EVI5: variants seen among roughly 807,000 people sequenced by gnomAD.
The protein encoded by EVI5 is ecotropic viral integration site 5.
In EVI5, 73 loss-of-function variants were observed where a neutral mutation model predicts 112.0. The observed-to-expected ratio is 0.65, with a 90% confidence interval of 0.54 to 0.79. The LOEUF (loss-of-function observed/expected upper bound fraction) is 0.79. Among genes scored for constraint, EVI5 ranks in the 30% least tolerant of loss-of-function variants. The pLI, the probability that EVI5 is intolerant of heterozygous loss-of-function variation, is 0.00. For synonymous variants in EVI5, 305 were observed against 319.9 expected (o/e 0.95, Z 0.50); for missense variants, 900 against 968.8 (o/e 0.93, Z 0.94).
chr1:92,738,451 T>C, intron 1 of EVI5, among the ~76,000 whole-genome samples: 1 of 152,346 alleles, frequency 6.6e-6, no homozygotes, highest in South Asian at 2.1e-4. Flanking sequence ...CAATAATTAA[T>C]GCTTTACATT....
intron 1 of EVI5, among the ~76,000 whole-genome samples, chr1:92,760,592 G>A (rs1280973354): frequency 6.6e-6 from 1 of 151,832 alleles, no homozygotes; most frequent in Admixed American, 6.6e-5. Flanking sequence ...AAATTAGCTG[G>A]GTGTGGTGGC....
At chr1:92,735,630 G>GTATATAATTATATATAA (rs1400982740) in intron 2 of EVI5, among the ~76,000 whole-genome samples, 1 of 67,042 alleles carries the variant, frequency 1.5e-5, no homozygotes, top group Non-Finnish European at 2.8e-5. Context: ...TATGATATAT[G>GTATATAATTATATATAA]ATATATGTCA....
intron 1 of EVI5, among the ~76,000 whole-genome samples, chr1:92,752,487 C>T (rs527666704): frequency 7.6e-4 from 116 of 152,136 alleles, no homozygotes; most frequent in African/African-American, 2.6e-3. Flanking sequence ...CCTAATGAAA[C>T]GTCTTAATAC....
In EVI5 at chr1:92,766,863, C is replaced by CATA. The variant is rs555825266; in HGVS notation, c.-82+17972_-82+17973insTAT. Among the ~76,000 whole-genome samples, 31 of 152,286 alleles carry CATA rather than the reference C, an allele frequency of 2.0e-4. No individual in the cohort carries two copies. The East Asian group carries it at 5.8e-3, about 28-fold the overall frequency. ...TTGGGAGGCCAAAGCAGGCGGATCACTTGAGGTCAGGAGTTTGAGAACAGC... is the reference window on the plus strand; with the variant it reads ...TTGGGAGGCCAAAGCAGGCGGATCACATATTGAGGTCAGGAGTTTGAGAACAGC... On this transcript the variant is annotated intron_variant, in intron 1 of 19. Transcript: ENST00000684568.
intron 1 of EVI5, among the ~76,000 whole-genome samples, chr1:92,757,907 CAAAAAAAAAAA>C (rs71091299): frequency 4.3e-5 from 3 of 70,292 alleles, no homozygotes; most frequent in Non-Finnish European, 8.3e-5. Context: ...GACTCTGCCT[CAAAAAAAAAAA>C]AAAAAAAAAA....
intron 19 of EVI5, among the ~76,000 whole-genome samples, chr1:92,546,561 T>A (rs931721797): frequency 6.6e-6 from 1 of 152,036 alleles, no homozygotes; most frequent in Non-Finnish European, 1.5e-5. Context: ...CCGGGCATGG[T>A]GGCACACGCA....
chr1:92,712,170 T>C (rs914372004), intron 2 of EVI5, among the ~76,000 whole-genome samples: 1 of 152,070 alleles, frequency 6.6e-6, no homozygotes, highest in African/African-American at 2.4e-5. Context: ...AGGAATCACA[T>C]CCTTTCACAT....
rs147569010 is a variant in EVI5, at chr1:92,704,246, C to G, written c.339+309G>C. On this transcript the variant is annotated intron_variant, in intron 3 of 19. Coordinates refer to ENST00000684568, the MANE Select transcript of EVI5 (RefSeq NM_001350197.2). ...GGAGAACAGCTTAAGCCCAGAAATT[C>G]GAGGTTATAGTGAGCTATGACTGCA... is the stretch of plus-strand genomic sequence containing the variant. 7.0e-4 allele frequency among the ~76,000 whole-genome samples: 107 copies of G among 152,210 alleles called. 1 individual carries two copies. Among genetic ancestry groups the G allele is most frequent in the African/African-American group, 2.5e-3 (105 of 41,542 alleles).
chr1:92,586,713 C>T (rs907199176), intron 18 of EVI5, among the ~76,000 whole-genome samples: 24 of 149,348 alleles, frequency 1.6e-4, no homozygotes, highest in African/African-American at 5.4e-4. Context: ...TTCCTGTCCC[C>T]GTCCTAGAAT....
intron 16 of EVI5, chr1:92,622,264 GCTTC>G (rs1366087951): frequency 1.4e-5 from 6 of 418,728 alleles, no homozygotes; most frequent in Non-Finnish European, 2.9e-5. Flanking sequence ...AGTAGAAGTG[GCTTC>G]CTTTGCAATC....
At position 92,663,443 on chromosome 1, in the gene EVI5, A is replaced by G; in HGVS notation, c.1222T>C (p.Ser408Pro). The change falls in exon 12 of 20, where the codon TCC (serine) becomes CCC (proline). Residue 408 changes from serine to proline, a missense_variant. Transcript: ENST00000684568. ...ACCTGTATCAATCTATCTGCCAAGGAAGCACTTTCCTACAAAAGGAAAAAT... is the reference window on the plus strand; with the variant it reads ...ACCTGTATCAATCTATCTGCCAAGGGAGCACTTTCCTACAAAAGGAAAAAT... ...RIETLEKESA[S>P]LADRLIQGQV... The G allele has an allele frequency of 7.0e-7, 1 of 1,422,942 alleles. No individual in the cohort carries two copies. The highest frequency in any genetic ancestry group is 9.4e-7 in the Non-Finnish European group (1 of 1,065,180). The allele number at this position is 1,422,942 out of a possible 1,614,324, so 88.1% of individuals were successfully genotyped here.
At chr1:92,741,851 G>C (rs1401065798) in intron 1 of EVI5, among the ~76,000 whole-genome samples, 3 of 151,858 alleles carry the variant, frequency 2.0e-5, no homozygotes, top group African/African-American at 7.3e-5. Flanking sequence ...CTAAATAATA[G>C]AACTAAAACT....
At chr1:92,678,093 C>T (rs777230279) in intron 9 of EVI5, among the ~76,000 whole-genome samples, 3 of 152,066 alleles carry the variant, frequency 2.0e-5, no homozygotes, top group Non-Finnish European at 4.4e-5. Flanking sequence ...AAAAACTAAC[C>T]GTTGGGTACT....
intron 1 of EVI5, among the ~76,000 whole-genome samples, chr1:92,770,265 A>T (rs1683182422): frequency 6.6e-6 from 1 of 152,242 alleles, no homozygotes. Context: ...AAAGTAACAC[A>T]GTATAGACAC....
chr1:92,787,886 A>G (rs893992030), upstream of EVI5, among the ~76,000 whole-genome samples: 2 of 152,256 alleles, frequency 1.3e-5, no homozygotes, highest in Non-Finnish European at 2.9e-5. Context: ...GTGAAGATAA[A>G]TGACACAAAG....
chr1:92,702,069 G>A, intron 5 of EVI5, 72 bp downstream of exon 5: 1 of 730,174 alleles, frequency 1.4e-6, no homozygotes, highest in Non-Finnish European at 2.3e-6. Flanking sequence ...ATAAAACAAA[G>A]ATGCTTTTTA....
At chr1:92,592,046 A>G (rs1315230023) in intron 18 of EVI5, among the ~76,000 whole-genome samples, 1 of 152,180 alleles carries the variant, frequency 6.6e-6, no homozygotes, top group Non-Finnish European at 1.5e-5. Context: ...GATTGAGACC[A>G]TCCTGGCTAA....
At chr1:92,576,687 T>G (rs1477448153) in intron 18 of EVI5, among the ~76,000 whole-genome samples, 1 of 152,208 alleles carries the variant, frequency 6.6e-6, no homozygotes, top group Non-Finnish European at 1.5e-5. Flanking sequence ...ACCTGTAGTT[T>G]AAGACATCTG....
chr1:92,693,727 C>T (rs1669857030), intron 9 of EVI5, 75 bp downstream of exon 9: 2 of 779,386 alleles, frequency 2.6e-6, no homozygotes, highest in East Asian at 2.5e-5. Context: ...GTTCTATAAC[C>T]TAAGGAGGAA....
Sources: allele counts gnomAD v4.1 joint callset (sites outside exome capture counted in the v4.1 genomes callset), GRCh38; gene constraint gnomAD v4.1.1; transcripts MANE v1.5; gene names NCBI Gene and HGNC (gene_info 2026-07-23, HGNC 2026-07-21).